The following PHTF2 variants were observed in gnomAD, a reference collection of about 807,000 sequenced individuals.
PHTF2 encodes protein PHTF2.
PHTF2 carries 60 observed loss-of-function variants against 101.2 expected under a neutral mutation model. The ratio of observed to expected loss-of-function variants is 0.59; its 90% confidence interval spans 0.48 to 0.73. The LOEUF (loss-of-function observed/expected upper bound fraction) is 0.73, where lower values mean the gene tolerates loss of function less well. Ranked by LOEUF, PHTF2 falls within the 30% of genes least tolerant of loss-of-function variation. PHTF2 has a pLI of 0.00. For synonymous variants in PHTF2, 311 were observed against 307.3 expected (o/e 1.01, Z -0.13); for missense variants, 747 against 908.7 (o/e 0.82, Z 2.29).
intron 9 of PHTF2, among the ~76,000 whole-genome samples, chr7:77,911,617 G>C (rs1427134119): frequency 6.6e-6 from 1 of 152,112 alleles, no homozygotes; most frequent in Non-Finnish European, 1.5e-5. Context: ...TTGTGATTGT[G>C]CTCTTAGGAT....
At chr7:77,906,009 G>A (rs1339158979) in intron 7 of PHTF2, among the ~76,000 whole-genome samples, 2 of 152,000 alleles carry the variant, frequency 1.3e-5, no homozygotes, top group African/African-American at 4.8e-5. Context: ...TTGAGACGGA[G>A]TCTCGCTCTG....
chr7:77,854,884 C>G (rs1261562170), intron 3 of PHTF2: 3 of 714,856 alleles, frequency 4.2e-6, no homozygotes, highest in African/African-American at 1.7e-5. Context: ...AGGCTTTGCT[C>G]TGGCCCATGC....
chr7:77,893,954 C>G, intron 4 of PHTF2, 28 bp from the exon 4 acceptor site: 1 of 1,574,842 alleles, frequency 6.3e-7, no homozygotes, highest in Non-Finnish European at 8.7e-7. Context: ...CTTTTTCTCC[C>G]TTTTGATGCT....
exon 20 of PHTF2, chr7:77,955,628 T>C (rs1335370258): frequency 6.6e-6 from 1 of 152,632 alleles, no homozygotes; most frequent in African/African-American, 2.4e-5. Flanking sequence ...TGCGTATCTT[T>C]ATATGGGATC....
chr7:77,857,236 G>C (rs2150654827), intron 3 of PHTF2, among the ~76,000 whole-genome samples: 1 of 152,266 alleles, frequency 6.6e-6, no homozygotes, highest in South Asian at 2.1e-4. Context: ...TGAAAGTCTG[G>C]AGCTACCTCT....
At chr7:77,840,181 G>C in intron 1 of PHTF2, 40 bp from the exon 2 acceptor site, 1 of 1,060,086 alleles carries the variant, frequency 9.4e-7, no homozygotes, top group Non-Finnish European at 1.5e-6. Flanking sequence ...TTTGGAAGGT[G>C]GGAAATAAAG....
chr7:77,949,771 G>A, exon 17 of PHTF2: 1 of 1,546,090 alleles, frequency 6.5e-7, no homozygotes, highest in Non-Finnish European at 8.8e-7. Context: ...CCTAAGATTT[G>A]TTACCCTTGG....
At chr7:77,900,887 G>C in intron 6 of PHTF2, 107 bp downstream of exon 5, 1 of 651,736 alleles carries the variant, frequency 1.5e-6, no homozygotes, top group Non-Finnish European at 2.8e-6. Flanking sequence ...TTGCTATAAA[G>C]AAATACTTGA....
chr7:77,858,455 C>A (rs1427950609), intron 3 of PHTF2, among the ~76,000 whole-genome samples: 2 of 152,108 alleles, frequency 1.3e-5, no homozygotes, highest in African/African-American at 2.4e-5. Context: ...ATAACTTGAT[C>A]ATGAATTAGT....
intron 16 of PHTF2, among the ~76,000 whole-genome samples, chr7:77,947,141 C>CAACAAAT (rs1321586596): frequency 8.1e-4 from 108 of 133,608 alleles, no homozygotes; most frequent in African/African-American, 3.3e-3. Context: ...CAACAACAAA[C>CAACAAAT]GCATATGTTA....
chr7:77,931,318 G>T (rs951011119), intron 12 of PHTF2, among the ~76,000 whole-genome samples: 2 of 152,192 alleles, frequency 1.3e-5, no homozygotes, highest in Admixed American at 6.5e-5. Flanking sequence ...TGAGCCACAG[G>T]CTGGGAGAAG....
chr7:77,903,204 A>C (rs848493), intron 7 of PHTF2, among the ~76,000 whole-genome samples: 64,117 of 151,982 alleles, frequency 0.42, 15,623 homozygotes, highest in East Asian at 0.68. Context: ...ATTTTTTGCT[A>C]TTATAATTAC....
intron 1 of PHTF2, among the ~76,000 whole-genome samples, chr7:77,827,525 T>C (rs2150538586): frequency 6.6e-6 from 1 of 152,132 alleles, no homozygotes; most frequent in East Asian, 1.9e-4. Context: ...GGCTAGTTTT[T>C]GTATTTTTAG....
At chr7:77,898,526 C>T (rs1801081959) in intron 5 of PHTF2, among the ~76,000 whole-genome samples, 1 of 151,964 alleles carries the variant, frequency 6.6e-6, no homozygotes, top group African/African-American at 2.4e-5. Context: ...ATTTCTAATC[C>T]ATCAGCCGCT....
At chr7:77,833,530 G>T (rs372833364) in intron 1 of PHTF2, among the ~76,000 whole-genome samples, 26 of 152,304 alleles carry the variant, frequency 1.7e-4, no homozygotes, top group South Asian at 6.2e-4. Flanking sequence ...GGGAGGCTGA[G>T]GTAAGAAGAT....
At chr7:77,854,283 T>G (rs576737437) in intron 2 of PHTF2, among the ~76,000 whole-genome samples, 1 of 152,214 alleles carries the variant, frequency 6.6e-6, no homozygotes, top group Admixed American at 6.5e-5. Context: ...TTCCTTTCCT[T>G]TAGTTTTCAC....
chr7:77,933,201 G>T (rs1445990485), intron 12 of PHTF2, among the ~76,000 whole-genome samples: 1 of 152,186 alleles, frequency 6.6e-6, no homozygotes, highest in African/African-American at 2.4e-5. Flanking sequence ...TGGCACCACT[G>T]CACTCCAGCC....
chr7:77,863,081 A>G (rs1326410077), intron 3 of PHTF2, among the ~76,000 whole-genome samples: 1 of 152,208 alleles, frequency 6.6e-6, no homozygotes. Flanking sequence ...AAAGTTTCCC[A>G]TTTGAACTTT....
chr7:77,900,788 T>C lies in PHTF2; in HGVS notation c.286+8T>C, dbSNP rs1202442263. On this transcript the variant is annotated splice_region_variant and intron_variant, in intron 6 of 19. Transcript: ENST00000416283. ...ATGTTGATCTTGTAAGAGGTGAGTC[T>C]GATAAATAAATGCTTAATACAAGTA... 1.7e-5 allele frequency: 24 copies of C among 1,409,214 alleles called. No individual in the cohort carries two copies. The highest frequency in any genetic ancestry group is 2.3e-5 in the Non-Finnish European group (23 of 994,092). 87.3% of individuals were successfully genotyped at this position (1,409,214 alleles called of 1,614,324 possible).
Sources: gnomAD v4.1 joint callset for allele counts (sites outside exome capture counted in the v4.1 genomes callset) on GRCh38, gnomAD v4.1.1 for gene constraint, MANE v1.5 for transcripts, NCBI Gene and HGNC (gene_info 2026-07-23, HGNC 2026-07-21) for gene names.